The following PLXNA2 variants were observed in gnomAD, a reference collection of about 807,000 sequenced individuals.
PLXNA2 encodes the protein plexin A2.
In PLXNA2, 91 loss-of-function variants were observed where a neutral mutation model predicts 193.5. The observed-to-expected ratio is 0.47, with a 90% CI of 0.40 to 0.56. PLXNA2 has a LOEUF of 0.56. Among genes scored for constraint, PLXNA2 ranks in the 20% least tolerant of loss-of-function variants. PLXNA2 has a pLI of 0.00. For missense variants in PLXNA2, 1,995 were observed against 2,503.2 expected, an observed-to-expected ratio of 0.80 and a Z score of 4.33; for synonymous variants, 997 against 1,027.3, an observed-to-expected ratio of 0.97 and a Z score of 0.56.
chr1:208,045,266 T>C, intron 18 of PLXNA2, 56 bp from the exon 19 acceptor site: 1 of 1,564,508 alleles, frequency 6.4e-7, no homozygotes, highest in Non-Finnish European at 8.8e-7. Flanking sequence ...CACAAGTTAA[T>C]TGCCTACTTA....
intron 2 of PLXNA2, among the ~76,000 whole-genome samples, chr1:208,214,775 G>C (rs1456667040): frequency 6.6e-6 from 1 of 152,128 alleles, no homozygotes; most frequent in Non-Finnish European, 1.5e-5. Context: ...TATCTCATCT[G>C]ATCATCCCAT....
At chr1:208,132,770 C>T (rs1034444965) in intron 4 of PLXNA2, among the ~76,000 whole-genome samples, 1 of 152,166 alleles carries the variant, frequency 6.6e-6, no homozygotes, top group African/African-American at 2.4e-5. Flanking sequence ...CTACCATTTA[C>T]TAAGCGGGTA....
chr1:208,141,742 TAC>T (rs1238052377), intron 4 of PLXNA2, among the ~76,000 whole-genome samples: 1 of 152,176 alleles, frequency 6.6e-6, no homozygotes, highest in East Asian at 1.9e-4. Context: ...TCACAGGAAA[TAC>T]AGTCTCCATC....
intron 4 of PLXNA2, among the ~76,000 whole-genome samples, chr1:208,110,777 G>T (rs1056024299): frequency 3.3e-5 from 5 of 152,174 alleles, no homozygotes; most frequent in African/African-American, 1.2e-4. Context: ...ACAGAGGCAA[G>T]GACTGCAGAG....
intron 22 of PLXNA2, 97 bp downstream of exon 22, chr1:208,042,001 G>A: frequency 7.7e-7 from 1 of 1,297,134 alleles, no homozygotes; most frequent in Non-Finnish European, 1.1e-6. Context: ...TCTGGGGAGT[G>A]GGCCTTCTCA....
In PLXNA2 at chr1:208,025,081, A is replaced by C. The variant is rs1664302353; in HGVS notation, c.*2162T>G. The C allele has an allele frequency of 6.5e-6, 1 of 152,674 alleles. No individual in the cohort carries two copies. Among genetic ancestry groups the C allele is most frequent in the Non-Finnish European group, 1.5e-5 (1 of 68,048 alleles). 9.5% of individuals were successfully genotyped at this position (152,674 alleles called of 1,614,324 possible). ...AACTTTAAAGAAGTGGATTTTCAAAAGAAAGTGGCCTTGGCATGGCTGGTT... is the reference window on the plus strand; with the variant it reads ...AACTTTAAAGAAGTGGATTTTCAAACGAAAGTGGCCTTGGCATGGCTGGTT... On this transcript the variant is annotated 3_prime_UTR_variant, in exon 32 of 32. Coordinates refer to ENST00000367033, the MANE Select transcript of PLXNA2 (RefSeq NM_025179.4).
intron 3 of PLXNA2, among the ~76,000 whole-genome samples, chr1:208,163,853 C>T (rs1045574384): frequency 5.9e-5 from 9 of 152,304 alleles, no homozygotes; most frequent in Non-Finnish European, 1.2e-4. Flanking sequence ...CCTGGCAAGT[C>T]GATGCTCCAT....
chr1:208,120,929 C>T (rs1667787711), intron 4 of PLXNA2, among the ~76,000 whole-genome samples: 1 of 152,048 alleles, frequency 6.6e-6, no homozygotes, highest in Non-Finnish European at 1.5e-5. Context: ...GTGGCCTGGG[C>T]ATGAAAACGC....
rs374824615 is a variant in PLXNA2, at chr1:208,060,824, G to C, written c.2600C>G (p.Ser867Cys). 7.4e-6 allele frequency: 12 copies of C among 1,613,912 alleles called. No individual in the cohort carries two copies. In the African/African-American group the frequency reaches 1.6e-4, roughly 22 times the overall value. ...TCGCGTCCCTCCTTCCGGCGGTCCAGACACCGTCAAAATCTGCAGGAGGGA... is the reference window on the plus strand; with the variant it reads ...TCGCGTCCCTCCTTCCGGCGGTCCACACACCGTCAAAATCTGCAGGAGGGA... ...NPQITEILTV[S>C]GPPEGGTRVT... Residue 867 changes from serine (S) to cysteine (C), a missense_variant, in exon 13 of 32, where the codon TCT (serine) becomes TGT (cysteine). Physicochemically the swap from Ser to Cys is moderately radical, Grantham distance 112. Transcript: ENST00000367033.
At chr1:208,189,113 A>G (rs570917657) in intron 3 of PLXNA2, among the ~76,000 whole-genome samples, 2 of 152,358 alleles carry the variant, frequency 1.3e-5, no homozygotes, top group South Asian at 4.1e-4. Context: ...AATCACAAGG[A>G]CAAGGCATCT....
At chr1:208,073,308 C>T (rs1666031885) in intron 12 of PLXNA2, among the ~76,000 whole-genome samples, 1 of 152,170 alleles carries the variant, frequency 6.6e-6, no homozygotes, top group South Asian at 2.1e-4. Flanking sequence ...GACACAACTG[C>T]AGAGGGTGGA....
chr1:208,147,927 C>G (rs1485964439), intron 3 of PLXNA2, among the ~76,000 whole-genome samples: 1 of 152,122 alleles, frequency 6.6e-6, no homozygotes, highest in East Asian at 1.9e-4. Flanking sequence ...GGGGCCTTAC[C>G]TGGGGGATAA....
At position 208,045,118 on chromosome 1, in the gene PLXNA2, C is replaced by G; in HGVS notation, c.3588G>C (p.Glu1196Asp). 6.2e-7 allele frequency: 1 copy of G among 1,614,120 alleles called. No homozygotes were observed. The highest frequency in any genetic ancestry group is 8.5e-7 in the Non-Finnish European group (1 of 1,180,024). The change falls in exon 19 of 32, where the codon GAG becomes GAC. Residue 1196 changes from glutamate to aspartate, a missense_variant. This residue lies in a region of PLXNA2 where 1,291 missense variants were observed against 1,673.6 expected (regional missense o/e 0.77). Transcript: ENST00000367033. ...GETPCAVTVS[E>D]TQLLCEPPNL... is the part of the protein sequence containing the mutation. ...TGGGAGGCTCGCAGAGAAGCTGGGT[C>G]TCAGATACGGTGACAGCACAAGGGG...
rs374437477 is a variant in PLXNA2 at position 208,039,636 on chromosome 1, G to A, written c.4485C>T (p.Ile1495=). The A allele has an allele frequency of 3.0e-5, 49 of 1,613,864 alleles. 1 individual carries two copies. The Middle Eastern group carries it at 6.8e-4, about 22-fold the overall frequency. ...GCTTCCTCACCAGGGTCTTGTACTC[G>A]ATCTGCTGCCGGATGAGCTTGTCCT... ...LSEDKLIRQQ[I]EYKTLILNCV... is the part of the protein sequence containing the mutation. The change falls in exon 24 of 32, where the codon ATC becomes ATT. Residue 1495 remains isoleucine (I), a synonymous_variant. Coordinates refer to ENST00000367033, the MANE Select transcript of PLXNA2 (RefSeq NM_025179.4).
intron 3 of PLXNA2, among the ~76,000 whole-genome samples, chr1:208,173,020 A>C (rs1669543820): frequency 6.6e-6 from 1 of 152,222 alleles, no homozygotes; most frequent in Non-Finnish European, 1.5e-5. Flanking sequence ...TCTGAGAGGC[A>C]GTGTTGGGTA....
chr1:208,242,549 T>A (rs906683126), intron 1 of PLXNA2, among the ~76,000 whole-genome samples: 2 of 152,206 alleles, frequency 1.3e-5, no homozygotes, highest in African/African-American at 4.8e-5. Flanking sequence ...TGTGCCACTG[T>A]CACTCTAAGA....
chr1:208,106,797 C>A (rs984044919), intron 4 of PLXNA2, among the ~76,000 whole-genome samples: 4 of 152,158 alleles, frequency 2.6e-5, no homozygotes, highest in Admixed American at 6.5e-5. Context: ...ATGCTTGTGG[C>A]TCATATTTTA....
intron 3 of PLXNA2, among the ~76,000 whole-genome samples, chr1:208,178,408 G>C (rs932453836): frequency 2.6e-5 from 4 of 152,170 alleles, no homozygotes; most frequent in African/African-American, 9.7e-5. Flanking sequence ...TGAGGGAGGA[G>C]AGCTTGGCTG....
At chr1:208,045,773 T>C in intron 18 of PLXNA2, 105 bp downstream of exon 18, 1 of 1,404,836 alleles carries the variant, frequency 7.1e-7, no homozygotes, top group Non-Finnish European at 9.8e-7. Flanking sequence ...CAAGTTCAAT[T>C]GCATAGAAAG....
Sources: gnomAD v4.1 joint callset for allele counts (sites outside exome capture counted in the v4.1 genomes callset) on GRCh38, gnomAD v4.1.1 for gene constraint, gnomAD v4.1.1 regional missense constraint, MANE v1.5 for transcripts, NCBI Gene and HGNC (gene_info 2026-07-23, HGNC 2026-07-21) for gene names.